The following LPP variants were observed in gnomAD, a reference collection of about 807,000 sequenced individuals.
LPP encodes the protein LIM domain containing preferred translocation partner in lipoma, also known as lipoma-preferred partner.
In LPP, 38 loss-of-function variants were observed where a neutral mutation model predicts 60.4. That is an observed-to-expected ratio of 0.63 (90% confidence interval 0.49 to 0.83). LPP has a LOEUF of 0.83. Among genes scored for constraint, LPP ranks in the 40% least tolerant of loss-of-function variants. LPP has a pLI of 0.00. For missense variants in LPP, 902 were observed against 783.6 expected, an observed-to-expected ratio of 1.15 and a Z score of -1.80; for synonymous variants, 328 against 290.8, an observed-to-expected ratio of 1.13 and a Z score of -1.30.
chr3:188,827,317 C>T (rs1463755531), intron 9 of LPP, among the ~76,000 whole-genome samples: 3 of 152,252 alleles, frequency 2.0e-5, no homozygotes, highest in East Asian at 3.9e-4. Context: ...GTGAGACACA[C>T]ATATTAGACA....
intron 4 of LPP, among the ~76,000 whole-genome samples, chr3:188,471,285 T>G (rs1236729769): frequency 6.6e-6 from 1 of 152,204 alleles, no homozygotes; most frequent in Non-Finnish European, 1.5e-5. Context: ...CAAGATTGCT[T>G]TGGCTATTCA....
At chr3:188,214,587 G>C (rs907990480) in intron 1 of LPP, among the ~76,000 whole-genome samples, 1 of 152,208 alleles carries the variant, frequency 6.6e-6, no homozygotes, top group South Asian at 2.1e-4. Flanking sequence ...TTTAAAGAGA[G>C]GGGAAGCGAC....
intron 9 of LPP, among the ~76,000 whole-genome samples, chr3:188,760,689 A>G (rs1330507194): frequency 1.3e-5 from 2 of 152,186 alleles, no homozygotes; most frequent in Non-Finnish European, 2.9e-5. Flanking sequence ...AGTAGTTTCA[A>G]GGAAACTTTA....
chr3:188,627,467 G>A (rs905681738), intron 7 of LPP, among the ~76,000 whole-genome samples: 2 of 151,972 alleles, frequency 1.3e-5, no homozygotes, highest in Non-Finnish European at 2.9e-5. Flanking sequence ...CAAGCAAATG[G>A]AAAACAAAAT....
intron 8 of LPP, chr3:188,743,886 ATC>A (rs1725265138): frequency 6.6e-6 from 1 of 152,110 alleles, no homozygotes; most frequent in African/African-American, 2.4e-5. Flanking sequence ...AGCCTCAGAT[ATC>A]TGTTTGCCAT....
Position 188,368,680 on chromosome 3 carries a change from T to TCACACACACA in LPP, c.-10+26962_-10+26963insACACACACAC, listed in dbSNP as rs1442170326. ...TGTTATACTACAAACACACACACACTCTCACACACACACACACACACACAC... is the reference window on the plus strand; with the variant it reads ...TGTTATACTACAAACACACACACACTCACACACACACTCACACACACACACACACACACAC... On this transcript the variant is annotated intron_variant, in intron 3 of 11. Transcript: ENST00000617246. Among the ~76,000 whole-genome samples the TCACACACACA allele has an allele frequency of 9.1e-3, 871 of 95,196 alleles. 6 individuals are homozygous for TCACACACACA. Among genetic ancestry groups the TCACACACACA allele is most frequent in the Non-Finnish European group, 0.014 (657 of 47,274 alleles). 62.5% of individuals were successfully genotyped at this position (95,196 alleles called of 152,430 possible).
chr3:188,484,226 T>C (rs1467980888), intron 4 of LPP, among the ~76,000 whole-genome samples: 1 of 152,216 alleles, frequency 6.6e-6, no homozygotes, highest in African/African-American at 2.4e-5. Flanking sequence ...TTGTGTTATC[T>C]TTAGTTTTGT....
chr3:188,721,682 T>A (rs895192596), intron 8 of LPP, among the ~76,000 whole-genome samples: 2 of 152,210 alleles, frequency 1.3e-5, no homozygotes, highest in African/African-American at 4.8e-5. Context: ...AGAAATGGTG[T>A]CCTCAAGCTT....
intron 3 of LPP, among the ~76,000 whole-genome samples, chr3:188,382,742 T>G (rs1455432111): frequency 1.3e-5 from 2 of 152,250 alleles, no homozygotes; most frequent in African/African-American, 4.8e-5. Flanking sequence ...TTGTTGTTGT[T>G]GTTGTTCCTT....
chr3:188,160,572 G>A (rs941288887), intron 1 of LPP, among the ~76,000 whole-genome samples: 1 of 152,162 alleles, frequency 6.6e-6, no homozygotes, highest in African/African-American at 2.4e-5. Flanking sequence ...TCTGCCTGTT[G>A]TAAACCTGTG....
At chr3:188,802,225 A>G (rs1241876529) in intron 9 of LPP, among the ~76,000 whole-genome samples, 2 of 152,194 alleles carry the variant, frequency 1.3e-5, no homozygotes, top group African/African-American at 4.8e-5. Context: ...CATAGAGCAT[A>G]TTATTTATAT....
chr3:188,360,086 A>C (rs1434321126), intron 3 of LPP, among the ~76,000 whole-genome samples: 1 of 152,170 alleles, frequency 6.6e-6, no homozygotes, highest in East Asian at 1.9e-4. Context: ...TCTGGATTCT[A>C]GGCTTCCTTA....
At chr3:188,614,655 C>T (rs578032636) in intron 7 of LPP, among the ~76,000 whole-genome samples, 3 of 152,280 alleles carry the variant, frequency 2.0e-5, no homozygotes, top group East Asian at 1.9e-4. Flanking sequence ...TCAAATTCAT[C>T]GGACAGCCAC....
At chr3:188,466,016 A>G (rs747110053) in intron 4 of LPP, among the ~76,000 whole-genome samples, 20 of 152,158 alleles carry the variant, frequency 1.3e-4, no homozygotes, top group Non-Finnish European at 2.2e-4. Flanking sequence ...AGGTTTAGGG[A>G]TTCCTGGCAG....
At chr3:188,240,267 G>A (rs781007477) in intron 2 of LPP, 3 of 171,948 alleles carry the variant, frequency 1.7e-5, no homozygotes, top group Middle Eastern at 2.3e-3. Flanking sequence ...TAGTGAGGGG[G>A]AACATGGGTA....
At chr3:188,830,421 G>A (rs1301521067) in intron 9 of LPP, among the ~76,000 whole-genome samples, 3 of 151,610 alleles carry the variant, frequency 2.0e-5, no homozygotes, top group African/African-American at 7.3e-5. Flanking sequence ...TGGCTAACAC[G>A]GTGAAACCTC....
At chr3:188,205,367 G>A (rs768766335) in intron 1 of LPP, among the ~76,000 whole-genome samples, 18 of 130,020 alleles carry the variant, frequency 1.4e-4, no homozygotes, top group Non-Finnish European at 2.0e-4. Context: ...TGCAACCTCC[G>A]CCCCACCAGG....
Position 188,829,030 on chromosome 3 carries a change from C to T in LPP, c.1411-37170C>T, listed in dbSNP as rs567434068. On this transcript the variant is annotated intron_variant, in intron 9 of 11. Transcript: ENST00000617246. ...ATTGTGATCTTTTATCGGCAAAGAC[C>T]ACCTCTCATTTATCTCTATACCCCC... is the stretch of plus-strand genomic sequence containing the variant. 7.2e-5 allele frequency among the ~76,000 whole-genome samples: 11 copies of T among 151,986 alleles called. No individual in the cohort carries two copies. The South Asian group carries it at 2.3e-3, about 32-fold the overall frequency.
In LPP at chr3:188,881,414, G is replaced by A. The variant is rs940328073; in HGVS notation, c.*6935G>A. On this transcript the variant is annotated 3_prime_UTR_variant, in exon 12 of 12. Coordinates refer to ENST00000617246, the MANE Select transcript of LPP (RefSeq NM_001375462.1). ...CTCTCTGCTGCTTCTTTAAACAGTGGACACAAACATATTTTCTAATTTTCA... is the reference window on the plus strand; with the variant it reads ...CTCTCTGCTGCTTCTTTAAACAGTGAACACAAACATATTTTCTAATTTTCA... The A allele has an allele frequency of 2.4e-5, 5 of 205,366 alleles. No homozygotes were observed. The highest frequency in any genetic ancestry group is 3.0e-5 in the Non-Finnish European group (3 of 100,082). 12.7% of individuals were successfully genotyped at this position (205,366 alleles called of 1,614,324 possible). A position where few individuals can be genotyped will look rare whatever the true frequency, so the allele number is the denominator to read the frequency against.
Sources: gnomAD v4.1 joint callset for allele counts (sites outside exome capture counted in the v4.1 genomes callset) on GRCh38, gnomAD v4.1.1 for gene constraint, MANE v1.5 for transcripts, NCBI Gene and HGNC (gene_info 2026-07-23, HGNC 2026-07-21) for gene names.